The following KLF5 variants were observed in gnomAD, a reference collection of about 807,000 sequenced individuals.
The protein encoded by KLF5 is Krueppel-like factor 5.
In KLF5, 9 loss-of-function variants were observed where a neutral mutation model predicts 36.9. That is an observed-to-expected ratio of 0.24 (90% confidence interval 0.15 to 0.43). The LOEUF (loss-of-function observed/expected upper bound fraction) is 0.43, where lower values mean the gene tolerates loss of function less well. KLF5 is among the 20% of genes least tolerant of loss of function. The pLI is 1.00. For synonymous variants in KLF5, 246 were observed against 241.7 expected (o/e 1.02, Z -0.17); for missense variants, 524 against 599.5 (o/e 0.87, Z 1.31).
At chr13:73,065,302 C>G (rs2139108686) in intron 3 of KLF5, among the ~76,000 whole-genome samples, 1 of 152,246 alleles carries the variant, frequency 6.6e-6, no homozygotes, top group South Asian at 2.1e-4. Flanking sequence ...AGGTAGAGCC[C>G]TAAGAGGAAT....
rs746275436 is a variant in KLF5 at position 73,062,215 on chromosome 13, A to C, written c.616A>C (p.Ile206Leu). The change falls in exon 2 of 4, where the codon ATT becomes CTT. Residue 206 changes from isoleucine (I) to leucine (L), a missense_variant. By Grantham distance (5) the Ile-to-Leu change is conservative. Coordinates refer to ENST00000377687, the MANE Select transcript of KLF5 (RefSeq NM_001730.5). ...GACCGCAGCTCCAGAGGTGAACAAT[A>C]TTTTCATCAAACAAGAACTTCCTAC... ...HQTAAPEVNN[I>L]FIKQELPTPD... is the part of the protein sequence containing the mutation. 5.6e-6 allele frequency: 9 copies of C among 1,614,022 alleles called. No homozygotes were observed. The highest frequency in any genetic ancestry group is 7.6e-6 in the Non-Finnish European group (9 of 1,179,996).
chr13:73,061,522 G>T (rs2044634760), intron 1 of KLF5, among the ~76,000 whole-genome samples: 1 of 152,170 alleles, frequency 6.6e-6, no homozygotes, highest in African/African-American at 2.4e-5. Flanking sequence ...GTGTAATGGG[G>T]CAGGGAATCC....
At position 73,062,481 on chromosome 13, in the gene KLF5, A is replaced by G. The variant is rs2139104802; in HGVS notation, c.882A>G (p.Pro294=). 1 of 1,614,142 alleles carries G rather than the reference A, an allele frequency of 6.2e-7. No homozygotes were observed. Among genetic ancestry groups the G allele is most frequent in the Non-Finnish European group, 8.5e-7 (1 of 1,180,012 alleles). ...CTYTMPSQFL[P]QQATYFPPSP... ...ACACAATGCCAAGTCAGTTTCTTCC[A>G]CAACAGGCCACTTACTTTCCCCCGT... is the stretch of plus-strand genomic sequence containing the variant. The change falls in exon 2 of 4, where the codon CCA becomes CCG. Residue 294 remains proline (P), a synonymous_variant. Coordinates refer to ENST00000377687, the MANE Select transcript of KLF5 (RefSeq NM_001730.5).
chr13:73,059,822 C>A, intron 1 of KLF5: 3 of 943,902 alleles, frequency 3.2e-6, no homozygotes, highest in Non-Finnish European at 3.8e-6. Flanking sequence ...TCTGCCCCGG[C>A]GGGTCGGCCT....
chr13:73,059,543 G>A lies in KLF5; in HGVS notation c.216G>A (p.Gln72=). The A allele has an allele frequency of 8.5e-7, 1 of 1,180,662 alleles. No homozygotes were observed. Among genetic ancestry groups the A allele is most frequent in the Non-Finnish European group, 1.0e-6 (1 of 959,054 alleles). The allele number at this position is 1,180,662 out of a possible 1,614,324, so 73.1% of individuals were successfully genotyped here. Residue 72 remains glutamine (Q), a synonymous_variant, in exon 1 of 4, where the codon CAG becomes CAA. Transcript: ENST00000377687. The part of the protein sequence containing the change: ...PAPAQAPQPA[Q]PPATGPRLPP... ...CCGCGCAGGCCCCGCAGCCGGCCCA[G>A]CCGCCCGCCACCGGCCCGCGGCTGC...
At chr13:73,067,837 CTCT>C (rs1388928391) in intron 3 of KLF5, among the ~76,000 whole-genome samples, 15 of 144,684 alleles carry the variant, frequency 1.0e-4, no homozygotes, top group Admixed American at 6.9e-4. Flanking sequence ...ACAAAATTCA[CTCT>C]TCTTTTTTTT....
intron 1 of KLF5, 128 bp downstream of exon 1, chr13:73,059,716 G>C (rs1433299916): frequency 2.1e-6 from 2 of 948,356 alleles, no homozygotes; most frequent in African/African-American, 1.8e-5. Context: ...AGCCGGTGCT[G>C]GGTGGGCAGC....
At position 73,062,655 on chromosome 13, in the gene KLF5, A is replaced by G. The variant is rs2044646213; in HGVS notation, c.1056A>G (p.Gln352=). 2 of 1,614,036 alleles carry G rather than the reference A, an allele frequency of 1.2e-6. No individual in the cohort carries two copies. The highest frequency in any genetic ancestry group is 8.5e-7 in the Non-Finnish European group (1 of 1,180,018). ...NLPTTLPVNS[Q]NIQPVRYNRR... is the part of the protein sequence containing the mutation. ...CCACCACCCTGCCAGTTAACTCACAAAACATCCAACCTGTCAGATACAATA... is the reference window on the plus strand; with the variant it reads ...CCACCACCCTGCCAGTTAACTCACAGAACATCCAACCTGTCAGATACAATA... Residue 352 remains glutamine, a synonymous_variant, in exon 2 of 4, where the codon CAA becomes CAG. Transcript: ENST00000377687.
intron 3 of KLF5, among the ~76,000 whole-genome samples, chr13:73,074,094 A>G (rs1263193137): frequency 1.3e-5 from 2 of 152,206 alleles, no homozygotes; most frequent in African/African-American, 4.8e-5. Flanking sequence ...TGGGAAATGT[A>G]GGTGAACTCT....
chr13:73,070,382 T>C (rs1171961491), intron 3 of KLF5, among the ~76,000 whole-genome samples: 2 of 152,220 alleles, frequency 1.3e-5, no homozygotes, highest in East Asian at 3.8e-4. Flanking sequence ...AAATTCCTCA[T>C]TGACACTTTA....
At chr13:73,062,869 G>A in intron 2 of KLF5, 135 bp downstream of exon 2, 1 of 634,044 alleles carries the variant, frequency 1.6e-6, no homozygotes, top group Non-Finnish European at 2.6e-6. Flanking sequence ...AGTTGTACTT[G>A]ACAGTAAAAA....
intron 2 of KLF5, 34 bp downstream of exon 2, chr13:73,062,768 A>G (rs753167339): frequency 1.5e-5 from 24 of 1,560,534 alleles, no homozygotes; most frequent in Non-Finnish European, 2.0e-5. Flanking sequence ...GCATCAATAG[A>G]TGTAGTGTGT....
intron 3 of KLF5, among the ~76,000 whole-genome samples, chr13:73,072,418 G>C (rs1460101090): frequency 6.6e-6 from 1 of 152,222 alleles, no homozygotes; most frequent in African/African-American, 2.4e-5. Context: ...CTGCCAGGTT[G>C]TGCTCTCTGT....
At chr13:73,068,673 C>T (rs976307986) in intron 3 of KLF5, among the ~76,000 whole-genome samples, 5 of 139,758 alleles carry the variant, frequency 3.6e-5, no homozygotes, top group African/African-American at 1.4e-4. Flanking sequence ...CACTGCACTC[C>T]AGCCTGGGCA....
chr13:73,060,361 G>GA (rs937219039), intron 1 of KLF5, among the ~76,000 whole-genome samples: 11 of 150,826 alleles, frequency 7.3e-5, no homozygotes, highest in South Asian at 2.1e-4. Context: ...CTGTCCCAAG[G>GA]AAAAAAAAAT....
chr13:73,062,743 T>G lies in KLF5; in HGVS notation c.1135+9T>G, dbSNP rs771551742. On this transcript the variant is annotated intron_variant, in intron 2 of 3. Coordinates refer to ENST00000377687, the MANE Select transcript of KLF5 (RefSeq NM_001730.5). ...CTACTGCGATTACCCTGGTATGTGCTCTTACCTGGTTGAAGCATCAATAGA... is the reference window on the plus strand; with the variant it reads ...CTACTGCGATTACCCTGGTATGTGCGCTTACCTGGTTGAAGCATCAATAGA... The G allele has an allele frequency of 1.9e-5, 30 of 1,609,342 alleles. No individual in the cohort carries two copies. The highest frequency in any genetic ancestry group is 2.5e-5 in the Non-Finnish European group (30 of 1,177,112).
At chr13:73,065,946 C>T (rs2044676458) in intron 3 of KLF5, among the ~76,000 whole-genome samples, 1 of 152,152 alleles carries the variant, frequency 6.6e-6, no homozygotes, top group South Asian at 2.1e-4. Flanking sequence ...TACATTTAAT[C>T]GTGGGTTGTC....
upstream of KLF5, among the ~76,000 whole-genome samples, chr13:73,057,183 A>G (rs976542967): frequency 3.5e-4 from 54 of 152,324 alleles, no homozygotes; most frequent in African/African-American, 1.3e-3. Context: ...CAAGAGCACA[A>G]AAGTTCTATT....
At chr13:73,062,791 CTGTG>C (rs1038073695) in intron 2 of KLF5, 57 bp downstream of exon 2, 43 of 868,546 alleles carry the variant, frequency 5.0e-5, no homozygotes, top group Admixed American at 4.7e-4. Flanking sequence ...GTGTGTGTGT[CTGTG>C]TGCGCGCGCG....
Sources: gnomAD v4.1 joint callset for allele counts (sites outside exome capture counted in the v4.1 genomes callset) on GRCh38, gnomAD v4.1.1 for gene constraint, MANE v1.5 for transcripts, NCBI Gene and HGNC (gene_info 2026-07-23, HGNC 2026-07-21) for gene names.